Variants in ADGRV1 observed in about 807,000 individuals in gnomAD.
ADGRV1 encodes the protein G-protein coupled receptor 98.
ADGRV1 carries 359 observed loss-of-function variants against 596.2 expected under a neutral mutation model. The ratio of observed to expected loss-of-function variants is 0.60; its 90% CI spans 0.55 to 0.66. ADGRV1 has a LOEUF of 0.66. Ranked by LOEUF, ADGRV1 falls within the 30% of genes least tolerant of loss-of-function variation. The probability of loss-of-function intolerance (pLI) is 0.00; values close to 1 mark genes in which losing one functional copy is unlikely to be tolerated. For missense variants in ADGRV1, 7,274 were observed against 7,575.6 expected, an observed-to-expected ratio of 0.96 and a Z score of 1.48; for synonymous variants, 2,681 against 2,679.2, an observed-to-expected ratio of 1.00 and a Z score of -0.02.
intron 85 of ADGRV1, among the ~76,000 whole-genome samples, chr5:91,072,161 G>A (rs1788444676): frequency 1.3e-5 from 2 of 152,126 alleles, no homozygotes; most frequent in Admixed American, 1.3e-4. Flanking sequence ...ACTTCTATGA[G>A]ATGTATATAG....
chr5:90,951,009 C>A (rs1742241581), intron 83 of ADGRV1, among the ~76,000 whole-genome samples: 1 of 152,118 alleles, frequency 6.6e-6, no homozygotes, highest in African/African-American at 2.4e-5. Context: ...GCAGAGCAAG[C>A]AATTGTGTTA....
intron 87 of ADGRV1, among the ~76,000 whole-genome samples, chr5:91,119,255 C>T (rs1793105248): frequency 6.6e-6 from 1 of 152,136 alleles, no homozygotes; most frequent in Non-Finnish European, 1.5e-5. Context: ...AATGCCAGTG[C>T]ACATTCCTAG....
intron 87 of ADGRV1, among the ~76,000 whole-genome samples, chr5:91,146,448 AAAGGGCC>A (rs1795542427): frequency 6.6e-6 from 1 of 152,230 alleles, no homozygotes; most frequent in Non-Finnish European, 1.5e-5. Context: ...AAAAGAATTT[AAAGGGCC>A]AGCAGCTCTT....
At chr5:90,735,132 G>T (rs1011042741) in intron 50 of ADGRV1, among the ~76,000 whole-genome samples, 1 of 152,164 alleles carries the variant, frequency 6.6e-6, no homozygotes, top group Non-Finnish European at 1.5e-5. Context: ...GATATTCCCC[G>T]TTTTCACTGA....
chr5:90,704,768 A>G (rs769404229), intron 36 of ADGRV1, among the ~76,000 whole-genome samples: 28 of 152,172 alleles, frequency 1.8e-4, no homozygotes, highest in Non-Finnish European at 3.1e-4. Flanking sequence ...TTTGAGACTT[A>G]CAAGCCAATT....
At chr5:90,563,110 G>C (rs369115549) in intron 1 of ADGRV1, among the ~76,000 whole-genome samples, 19 of 152,262 alleles carry the variant, frequency 1.2e-4, no homozygotes, top group African/African-American at 4.3e-4. Flanking sequence ...TAAAGGTTAG[G>C]GAAAGAGCTA....
At chr5:91,018,957 C>T (rs1472958732) in intron 85 of ADGRV1, among the ~76,000 whole-genome samples, 1 of 151,964 alleles carries the variant, frequency 6.6e-6, no homozygotes, top group Admixed American at 6.6e-5. Context: ...TGTAAGATGC[C>T]TCCCTCAGGG....
intron 85 of ADGRV1, among the ~76,000 whole-genome samples, chr5:90,990,919 C>T (rs1354955782): frequency 6.6e-6 from 1 of 152,110 alleles, no homozygotes; most frequent in South Asian, 2.1e-4. Flanking sequence ...GTAAAGAAAA[C>T]AAGCTAAAGG....
chr5:90,586,036 A>G (rs688960), intron 1 of ADGRV1, among the ~76,000 whole-genome samples: 36,511 of 152,126 alleles, frequency 0.24, 5,336 homozygotes, highest in Non-Finnish European at 0.33. Flanking sequence ...AGCAGTCCCT[A>G]GTTGGGGCAG....
chr5:91,133,176 C>G (rs78339698), intron 87 of ADGRV1, among the ~76,000 whole-genome samples: 1,579 of 152,196 alleles, frequency 0.01, 25 homozygotes, highest in African/African-American at 0.036. Context: ...GTAGCAAAGA[C>G]TTAAATGATT....
chr5:90,575,439 G>C (rs534502300), intron 1 of ADGRV1, among the ~76,000 whole-genome samples: 2 of 152,050 alleles, frequency 1.3e-5, no homozygotes, highest in Admixed American at 1.3e-4. Flanking sequence ...TTTTAGTAGA[G>C]ATGGGGTTTC....
At chr5:90,807,028 T>A (rs1012467127) in intron 72 of ADGRV1, among the ~76,000 whole-genome samples, 13 of 152,006 alleles carry the variant, frequency 8.6e-5, no homozygotes, top group African/African-American at 2.9e-4. Context: ...AATTTTTGTA[T>A]TTTTTGTACA....
chr5:90,586,395 T>C (rs1758765062), intron 1 of ADGRV1, among the ~76,000 whole-genome samples: 1 of 152,202 alleles, frequency 6.6e-6, no homozygotes, highest in African/African-American at 2.4e-5. Flanking sequence ...TATAGTTAAT[T>C]TATTCTAATT....
intron 17 of ADGRV1, among the ~76,000 whole-genome samples, chr5:90,649,731 C>A (rs1396700607): frequency 6.6e-6 from 1 of 152,120 alleles, no homozygotes; most frequent in African/African-American, 2.4e-5. Flanking sequence ...TCAAGCAATT[C>A]GCCCGCCTGG....
chr5:90,851,345 G>T (rs991529766), intron 79 of ADGRV1, among the ~76,000 whole-genome samples: 2 of 151,842 alleles, frequency 1.3e-5, no homozygotes, highest in East Asian at 3.9e-4. Context: ...ACAATTAGGT[G>T]GTAGAATTAA....
At position 90,802,128 on chromosome 5, in the gene ADGRV1, C is replaced by T. The variant is rs143759432; in HGVS notation, c.14518-611C>T. Among the ~76,000 whole-genome samples, 892 of 152,290 alleles carry T rather than the reference C, an allele frequency of 5.9e-3. 7 individuals are homozygous for T. Among genetic ancestry groups the T allele is most frequent in the Admixed American group, 8.6e-3 (132 of 15,298 alleles). On this transcript the variant is annotated intron_variant, in intron 70 of 89. Transcript: ENST00000405460. ...ATACTTGATCCTATCATGAACACTG[C>T]CTGTGTGGCTACTGTCATTGGTGAA...
intron 50 of ADGRV1, among the ~76,000 whole-genome samples, chr5:90,743,471 C>CTTT (rs10942607): frequency 4.0e-4 from 48 of 120,918 alleles, no homozygotes; most frequent in African/African-American, 1.2e-3. Flanking sequence ...CATTTGATAT[C>CTTT]TTTTTTTTTT....
chr5:91,036,493 C>T (rs184605083), intron 85 of ADGRV1, among the ~76,000 whole-genome samples: 1 of 147,312 alleles, frequency 6.8e-6, no homozygotes, highest in Admixed American at 6.8e-5. Context: ...ACCCGGGAGG[C>T]GGAGCTTGCA....
rs2149716367 is a variant in ADGRV1, at chr5:90,711,143, T to C, written c.8904-41T>C. On this transcript the variant is annotated intron_variant, in intron 40 of 89. Coordinates refer to ENST00000405460, the MANE Select transcript of ADGRV1 (RefSeq NM_032119.4). ...AAATAAAAGTTTCTAAGGGAAAAAT[T>C]AATTTTTTTTGTTTGTTTTTGTTTT... 1.9e-6 allele frequency: 3 copies of C among 1,584,614 alleles called. No individual in the cohort carries two copies. The East Asian group carries it at 6.7e-5, about 35-fold the overall frequency.
Sources: allele counts gnomAD v4.1 joint callset (sites outside exome capture counted in the v4.1 genomes callset), GRCh38; gene constraint gnomAD v4.1.1; transcripts MANE v1.5; gene names NCBI Gene and HGNC (gene_info 2026-07-23, HGNC 2026-07-21).